Variants in HNRNPR observed in about 807,000 individuals in gnomAD.
HNRNPR encodes heterogeneous nuclear ribonucleoprotein R.
In HNRNPR, 4 loss-of-function variants were observed where a neutral mutation model predicts 70.3. That is an observed-to-expected ratio of 0.06 (90% CI 0.03 to 0.13). The LOEUF (loss-of-function observed/expected upper bound fraction) is 0.13. Among genes scored for constraint, HNRNPR ranks in the 10% least tolerant of loss-of-function variants. HNRNPR has a pLI of 1.00. For missense variants in HNRNPR, 423 were observed against 788.5 expected (o/e 0.54, Z 5.55); for synonymous variants, 241 against 267.6 (o/e 0.90, Z 0.97).
At chr1:23,339,951 G>A (rs1045122992) in intron 2 of HNRNPR, among the ~76,000 whole-genome samples, 8 of 151,552 alleles carry the variant, frequency 5.3e-5, no homozygotes, top group East Asian at 1.9e-4. Context: ...TTTCAAATGC[G>A]ACCATGACCC....
chr1:23,334,789 T>G (rs533775486), intron 4 of HNRNPR, among the ~76,000 whole-genome samples: 5 of 152,268 alleles, frequency 3.3e-5, no homozygotes, highest in Admixed American at 6.5e-5. Context: ...AAGAAGATAA[T>G]CTCCTTGCTC....
Position 23,340,836 on chromosome 1 carries a change from G to T in HNRNPR, c.157+16C>A. ...CACTTTCATAACCAGTCAGAAACAA[G>T]AAATGCATATTATACCTGTCTGAAA... On this transcript the variant is annotated intron_variant, in intron 2 of 10. Transcript: ENST00000302271. The T allele has an allele frequency of 6.3e-7, 1 of 1,589,358 alleles. No homozygotes were observed. Among genetic ancestry groups the T allele is most frequent in the Non-Finnish European group, 8.6e-7 (1 of 1,169,322 alleles).
rs1325106543 is a variant in HNRNPR, at chr1:23,305,615, G to A, written c.*4839C>T. ...TATATGGTATGGTCAGAAATGCCTA[G>A]TTACTAAATTTAATTTCAATCTATA... On this transcript the variant is annotated 3_prime_UTR_variant, in exon 11 of 11. Transcript: ENST00000302271. 6.6e-6 allele frequency: 1 copy of A among 152,084 alleles called. No homozygotes were observed. The highest frequency in any genetic ancestry group is 1.5e-5 in the Non-Finnish European group (1 of 67,990). 9.4% of individuals were successfully genotyped at this position (152,084 alleles called of 1,614,324 possible).
At chr1:23,329,625 C>A (rs947010912) in intron 5 of HNRNPR, among the ~76,000 whole-genome samples, 2 of 152,186 alleles carry the variant, frequency 1.3e-5, no homozygotes, top group Non-Finnish European at 2.9e-5. Flanking sequence ...GTAACCAAGT[C>A]ATTCAACAGT....
rs770792006 is a variant in HNRNPR, at chr1:23,321,602, T to C, written c.737A>G (p.Asn246Ser). The stretch of plus-strand genomic sequence containing the variant: ...CGGAATGGATCCAACAAAAAGTCTG[T>C]TGTTTGCCACAGAAATGCACACTCC... ...HLGVCISVAN[N>S]RLFVGSIPKN... is the part of the protein sequence containing the mutation. The change falls in exon 7 of 11, where the codon AAC (asparagine) becomes AGC (serine). Residue 246 changes from asparagine (N) to serine (S), a missense_variant. Transcript: ENST00000302271. The C allele has an allele frequency of 3.1e-6, 5 of 1,614,030 alleles. No individual in the cohort carries two copies. Among genetic ancestry groups the C allele is most frequent in the Admixed American group, 3.3e-5 (2 of 60,022 alleles).
chr1:23,335,063 G>A (rs570771328), intron 4 of HNRNPR, among the ~76,000 whole-genome samples: 6 of 152,032 alleles, frequency 3.9e-5, no homozygotes, highest in Non-Finnish European at 7.4e-5. Context: ...GACTACAGGC[G>A]CCTGCCACCA....
intron 5 of HNRNPR, among the ~76,000 whole-genome samples, chr1:23,326,095 C>T (rs1008322190): frequency 6.6e-6 from 1 of 152,140 alleles, no homozygotes; most frequent in Non-Finnish European, 1.5e-5. Context: ...TCTCAAACTC[C>T]TGGACTCAAG....
intron 1 of HNRNPR, among the ~76,000 whole-genome samples, chr1:23,342,341 A>C (rs1415181084): frequency 6.6e-6 from 1 of 152,204 alleles, no homozygotes; most frequent in Non-Finnish European, 1.5e-5. Flanking sequence ...GGTAATAGAG[A>C]GTAGGAAGAA....
chr1:23,319,583 C>A (rs754039003), intron 7 of HNRNPR, among the ~76,000 whole-genome samples: 11 of 152,114 alleles, frequency 7.2e-5, no homozygotes, highest in Non-Finnish European at 1.6e-4. Flanking sequence ...CCACTCACAC[C>A]CCTTCTCTCC....
At chr1:23,325,215 T>A (rs1410570431) in intron 5 of HNRNPR, among the ~76,000 whole-genome samples, 1 of 152,144 alleles carries the variant, frequency 6.6e-6, no homozygotes, top group Non-Finnish European at 1.5e-5. Flanking sequence ...AGTATTTGCA[T>A]GACAAATTTT....
At chr1:23,330,507 C>A (rs1473483586) in intron 5 of HNRNPR, among the ~76,000 whole-genome samples, 1 of 152,068 alleles carries the variant, frequency 6.6e-6, no homozygotes, top group Non-Finnish European at 1.5e-5. Flanking sequence ...TACACTCCAG[C>A]CTGGGCGACA....
intron 6 of HNRNPR, among the ~76,000 whole-genome samples, chr1:23,322,438 G>A (rs908737473): frequency 5.3e-5 from 8 of 151,780 alleles, no homozygotes; most frequent in African/African-American, 1.2e-4. Context: ...GTTTCACCAC[G>A]TTGGCCAGGC....
Position 23,305,000 on chromosome 1 carries a change from C to A in HNRNPR, c.*5454G>T, listed in dbSNP as rs995980978. 1 of 152,176 alleles carries A rather than the reference C, an allele frequency of 6.6e-6. No homozygotes were observed. The highest frequency in any genetic ancestry group is 1.5e-5 in the Non-Finnish European group (1 of 68,018). The allele number at this position is 152,176 out of a possible 1,614,324, so 9.4% of individuals were successfully genotyped here. ...GGCTAGAGAAGTCCCTTTTGCCCAA[C>A]CCTCATATGTGAGAAATCAAGAAAA... On this transcript the variant is annotated 3_prime_UTR_variant, in exon 11 of 11. Transcript: ENST00000302271.
rs577121003 is a variant in HNRNPR, at chr1:23,343,850, G to A, written c.-10+361C>T. 3.1e-3 allele frequency among the ~76,000 whole-genome samples: 476 copies of A among 152,104 alleles called. 5 individuals are homozygous for A. Among genetic ancestry groups the A allele is most frequent in the African/African-American group, 0.011 (450 of 41,530 alleles). On this transcript the variant is annotated intron_variant, in intron 1 of 10. Coordinates refer to ENST00000302271, the MANE Select transcript of HNRNPR (RefSeq NM_005826.5). ...GCCGCGGCGGGAGCGAAGCGGCTCC[G>A]GCGGGGAGAAGCGGCAGGGCCGCGG...
intron 7 of HNRNPR, among the ~76,000 whole-genome samples, chr1:23,319,579 ACACCCCTTCTCTC>A (rs571457965): frequency 3.3e-5 from 5 of 152,208 alleles, no homozygotes; most frequent in Admixed American, 3.3e-4. Flanking sequence ...GCTTCCACTC[ACACCCCTTCTCTC>A]CAAGCCCCTA....
chr1:23,318,547 C>T lies in HNRNPR; in HGVS notation c.953G>A (p.Gly318Glu). ...AGCCCATTCAACTGTAACTACATTTCCCCACACTTTTACTTTTCCACTCAT... is the reference window on the plus strand; with the variant it reads ...AGCCCATTCAACTGTAACTACATTTTCCCACACTTTTACTTTTCCACTCAT... ...RLMSGKVKVW[G>E]NVVTVEWADP... Residue 318 changes from glycine to glutamate, a missense_variant, in exon 8 of 11, where the codon GGA (glycine) becomes GAA (glutamate). By Grantham distance (98) the Gly-to-Glu change is moderately conservative (BLOSUM62 -2). This residue lies in a region of HNRNPR where 46 missense variants were observed against 164.6 expected (regional missense o/e 0.28). Transcript: ENST00000302271. The surrounding 1 kb of genome is among the most constrained non-coding windows in gnomAD (Gnocchi z 4.2). The T allele has an allele frequency of 1.2e-6, 2 of 1,614,186 alleles. No homozygotes were observed. Among genetic ancestry groups the T allele is most frequent in the East Asian group, 2.2e-5 (1 of 44,890 alleles).
At chr1:23,339,345 G>A (rs1451877443) in intron 2 of HNRNPR, among the ~76,000 whole-genome samples, 5 of 152,190 alleles carry the variant, frequency 3.3e-5, no homozygotes, top group Admixed American at 1.3e-4. Context: ...TGTCAAGAAC[G>A]ACAATCATTT....
chr1:23,310,720 T>C lies in HNRNPR; in HGVS notation c.1636A>G (p.Arg546Gly). 1 of 1,613,536 alleles carries C rather than the reference T, an allele frequency of 6.2e-7. No homozygotes were observed. The highest frequency in any genetic ancestry group is 1.1e-5 in the South Asian group (1 of 91,020). ...CTCTGCTGTTGAGCAGGACCCCCTC[T>C]GCCACCCCTAGAGCCTCTTGGTGGT... is the stretch of plus-strand genomic sequence containing the variant. Reference protein sequence around the residue: ...LGPPRGSRGGRGGPAQQQRGR... With the variant: ...LGPPRGSRGGGGGPAQQQRGR... The change falls in exon 11 of 11, where the codon AGA becomes GGA. Residue 546 changes from arginine to glycine, a missense_variant. Physicochemically the swap from Arg to Gly is moderately radical, Grantham distance 125 (BLOSUM62 -2). Around this residue, in one of 7 missense-constraint regions of HNRNPR, gnomAD observed 169 missense variants for 195.6 expected, o/e 0.86. Coordinates refer to ENST00000302271, the MANE Select transcript of HNRNPR (RefSeq NM_005826.5). This position sits in a 1 kb window ranked among gnomAD's most constrained non-coding sequence, Gnocchi z 6.0.
intron 1 of HNRNPR, 112 bp downstream of exon 1, chr1:23,344,099 C>G (rs1486541191): frequency 6.6e-6 from 1 of 152,290 alleles, no homozygotes; most frequent in Non-Finnish European, 1.5e-5. Context: ...TCCCCACCCC[C>G]ACCCCGGGGC....
Sources: allele counts gnomAD v4.1 joint callset (sites outside exome capture counted in the v4.1 genomes callset), GRCh38; gene constraint gnomAD v4.1.1; regional missense constraint gnomAD v4.1.1; non-coding constraint Gnocchi (gnomAD v3.1); transcripts MANE v1.5; gene names NCBI Gene and HGNC (gene_info 2026-07-23, HGNC 2026-07-21).